Variants in DSCAM observed in about 807,000 individuals in gnomAD.
DSCAM encodes the protein cell adhesion molecule DSCAM.
In DSCAM, 47 loss-of-function variants were observed where a neutral mutation model predicts 217.7. That is an observed-to-expected ratio of 0.22 (90% CI 0.17 to 0.28). DSCAM has a LOEUF of 0.28. DSCAM is among the 10% of genes least tolerant of loss of function. DSCAM has a pLI of 1.00. For missense variants in DSCAM, 2,080 were observed against 2,618.3 expected, an observed-to-expected ratio of 0.79 and a Z score of 4.49; for synonymous variants, 1,056 against 1,015.3, an observed-to-expected ratio of 1.04 and a Z score of -0.76.
At chr21:40,141,260 C>T (rs977763569) in intron 18 of DSCAM, among the ~76,000 whole-genome samples, 4 of 152,238 alleles carry the variant, frequency 2.6e-5, no homozygotes, top group Admixed American at 6.5e-5. Flanking sequence ...GGTCCTTGAC[C>T]GCATTTGCCC....
chr21:40,219,610 A>G (rs2091273290), intron 11 of DSCAM, among the ~76,000 whole-genome samples: 1 of 150,908 alleles, frequency 6.6e-6, no homozygotes, highest in Non-Finnish European at 1.5e-5. Flanking sequence ...TTAATGAGTC[A>G]AAAGACATTA....
chr21:40,324,052 G>C (rs143099003), intron 8 of DSCAM, among the ~76,000 whole-genome samples: 3 of 122,038 alleles, frequency 2.5e-5, no homozygotes, highest in Non-Finnish European at 4.8e-5. Flanking sequence ...GCAGTGAGCC[G>C]ATATTGTGCC....
At chr21:40,047,693 A>G (rs938362719) in intron 30 of DSCAM, among the ~76,000 whole-genome samples, 1 of 152,176 alleles carries the variant, frequency 6.6e-6, no homozygotes, top group African/African-American at 2.4e-5. Context: ...CCAGCTTTAC[A>G]TAACGAATTT....
chr21:40,389,876 C>T (rs977971936), intron 3 of DSCAM, among the ~76,000 whole-genome samples: 3 of 152,146 alleles, frequency 2.0e-5, no homozygotes, highest in Non-Finnish European at 4.4e-5. Context: ...CAGGTGTGGA[C>T]GTGAGGACAC....
At chr21:40,348,738 T>G (rs540309306) in intron 5 of DSCAM, among the ~76,000 whole-genome samples, 1 of 152,214 alleles carries the variant, frequency 6.6e-6, no homozygotes, top group Non-Finnish European at 1.5e-5. Flanking sequence ...AACATCCTCT[T>G]CGCTATTTTT....
intron 3 of DSCAM, among the ~76,000 whole-genome samples, chr21:40,635,963 T>C (rs2089753143): frequency 6.6e-6 from 1 of 152,194 alleles, no homozygotes; most frequent in Non-Finnish European, 1.5e-5. Flanking sequence ...AAAAGCCCTA[T>C]AGGACCCAAA....
At chr21:40,615,443 A>G (rs1454142473) in intron 3 of DSCAM, 1 of 120,784 alleles carries the variant, frequency 8.3e-6, no homozygotes, top group Non-Finnish European at 1.7e-5. Context: ...AAAGAAAAAA[A>G]GAGCACTTTA....
chr21:40,602,724 C>G (rs1051433210), intron 3 of DSCAM, among the ~76,000 whole-genome samples: 6 of 151,962 alleles, frequency 3.9e-5, no homozygotes, highest in Non-Finnish European at 7.4e-5. Context: ...CTTCTTTTTG[C>G]TTGATAGCCA....
intron 11 of DSCAM, among the ~76,000 whole-genome samples, chr21:40,191,086 G>A (rs2410220): frequency 0.069 from 10,454 of 152,072 alleles, 1,116 homozygotes; most frequent in African/African-American, 0.23. Flanking sequence ...TGCTTGCCTC[G>A]TAAGACTTCC....
At chr21:40,682,075 T>A (rs1205369043) in intron 3 of DSCAM, among the ~76,000 whole-genome samples, 5 of 152,128 alleles carry the variant, frequency 3.3e-5, no homozygotes, top group Non-Finnish European at 7.3e-5. Flanking sequence ...ATGGTATTTT[T>A]TTTTTGTAGT....
intron 18 of DSCAM, among the ~76,000 whole-genome samples, chr21:40,136,191 A>C (rs1013226002): frequency 6.6e-6 from 1 of 152,252 alleles, no homozygotes; most frequent in Non-Finnish European, 1.5e-5. Flanking sequence ...GTCACCAGGT[A>C]GTCAAAATAT....
At chr21:40,262,381 GGCCCTTACAGGTGCA>G (rs2073464929) in intron 11 of DSCAM, among the ~76,000 whole-genome samples, 1 of 143,510 alleles carries the variant, frequency 7.0e-6, no homozygotes, top group African/African-American at 3.0e-5. Flanking sequence ...CCAGCATTAA[GGCCCTTACAGGTGCA>G]GCCTCTTCAC....
chr21:40,368,456 A>G (rs1348204949), intron 4 of DSCAM, among the ~76,000 whole-genome samples: 1 of 152,232 alleles, frequency 6.6e-6, no homozygotes, highest in Non-Finnish European at 1.5e-5. Flanking sequence ...TCTGACTTGT[A>G]TTTGTGCTGG....
At chr21:40,137,271 G>GGA (rs386394782) in intron 18 of DSCAM, among the ~76,000 whole-genome samples, 1 of 145,624 alleles carries the variant, frequency 6.9e-6, no homozygotes, top group Non-Finnish European at 1.5e-5. Flanking sequence ...TTGGGGGGGG[G>GGA]GTTCAAGTTA....
intron 2 of DSCAM, among the ~76,000 whole-genome samples, chr21:40,696,933 T>C (rs12152034): frequency 0.11 from 16,851 of 152,236 alleles, 1,020 homozygotes; most frequent in Admixed American, 0.17. Flanking sequence ...TTTTTTCTTC[T>C]AGCAATTTAA....
At chr21:40,299,813 T>G (rs1022704027) in intron 9 of DSCAM, among the ~76,000 whole-genome samples, 1 of 152,168 alleles carries the variant, frequency 6.6e-6, no homozygotes, top group Non-Finnish European at 1.5e-5. Context: ...GCAGTTTATT[T>G]TTTAAAAAGT....
chr21:40,213,656 T>C (rs962388624), intron 11 of DSCAM, among the ~76,000 whole-genome samples: 26 of 152,086 alleles, frequency 1.7e-4, no homozygotes, highest in African/African-American at 5.8e-4. Context: ...AAACCTGGCT[T>C]GGAGATGGAG....
intron 2 of DSCAM, among the ~76,000 whole-genome samples, chr21:40,706,258 G>T (rs1418614778): frequency 6.6e-6 from 1 of 151,906 alleles, no homozygotes; most frequent in Non-Finnish European, 1.5e-5. Flanking sequence ...GAAATCTTCT[G>T]ACTTGCCCAG....
intron 3 of DSCAM, among the ~76,000 whole-genome samples, chr21:40,605,962 A>G (rs1392591675): frequency 6.6e-6 from 1 of 151,608 alleles, no homozygotes; most frequent in Non-Finnish European, 1.5e-5. Context: ...CACCACGCCC[A>G]GCTAATTTTT....
Sources: allele counts gnomAD v4.1 joint callset (sites outside exome capture counted in the v4.1 genomes callset), GRCh38; gene constraint gnomAD v4.1.1; transcripts MANE v1.5; gene names NCBI Gene and HGNC (gene_info 2026-07-23, HGNC 2026-07-21).